NPR3: variants seen among roughly 807,000 people sequenced by gnomAD.
NPR3 encodes atrial natriuretic peptide receptor 3.
A neutral mutation model predicts 54.5 loss-of-function variants in NPR3; 34 were observed. The ratio of observed to expected loss-of-function variants is 0.62; its 90% CI spans 0.47 to 0.83. NPR3 has a LOEUF of 0.83. Ranked by LOEUF, NPR3 falls within the 40% of genes least tolerant of loss-of-function variation. NPR3 has a pLI of 0.00. For synonymous variants in NPR3, 289 were observed against 297.1 expected (o/e 0.97, Z 0.28); for missense variants, 674 against 720.8 (o/e 0.94, Z 0.74).
chr5:32,735,627 C>T (rs114788692), intron 2 of NPR3, among the ~76,000 whole-genome samples: 1 of 152,178 alleles, frequency 6.6e-6, no homozygotes, highest in Non-Finnish European at 1.5e-5. Flanking sequence ...GTGTCTCCCC[C>T]ACCCTAATCC....
intron 6 of NPR3, among the ~76,000 whole-genome samples, chr5:32,784,386 A>AC (rs1742499375): frequency 6.6e-6 from 1 of 152,108 alleles, no homozygotes; most frequent in Non-Finnish European, 1.5e-5. Flanking sequence ...ATAGGGTTTC[A>AC]CCATGTTGAC....
intron 3 of NPR3, among the ~76,000 whole-genome samples, chr5:32,754,726 A>G (rs1241336982): frequency 6.6e-6 from 1 of 152,184 alleles, no homozygotes; most frequent in East Asian, 1.9e-4. Context: ...TTTTTGTATA[A>G]TAAACAATAT....
In NPR3 at chr5:32,724,681, G is replaced by T; in HGVS notation, c.770-17G>T. 1 of 1,613,834 alleles carries T rather than the reference G, an allele frequency of 6.2e-7. No individual in the cohort carries two copies. Among genetic ancestry groups the T allele is most frequent in the Non-Finnish European group, 8.5e-7 (1 of 1,179,824 alleles). On this transcript the variant is annotated splice_polypyrimidine_tract_variant and intron_variant, in intron 1 of 7. Transcript: ENST00000265074. Reference sequence around the variant, plus strand: ...TGCAAAGGGGTGCCTCATGTGTGTTGTTTGTTCCTCCCCTAGTGGTGATCA... The same window carrying T: ...TGCAAAGGGGTGCCTCATGTGTGTTTTTTGTTCCTCCCCTAGTGGTGATCA...
intron 3 of NPR3, among the ~76,000 whole-genome samples, chr5:32,744,560 G>C (rs935764297): frequency 3.3e-5 from 5 of 152,180 alleles, no homozygotes; most frequent in African/African-American, 1.2e-4. Context: ...ATTCATCGGT[G>C]CTTACCAATG....
At chr5:32,774,225 A>G (rs188058045) in intron 3 of NPR3, among the ~76,000 whole-genome samples, 17 of 152,380 alleles carry the variant, frequency 1.1e-4, no homozygotes, top group Admixed American at 1.0e-3. Context: ...CCATAGCACC[A>G]GCACTCTAGT....
At position 32,786,359 on chromosome 5, in the gene NPR3, C is replaced by T; in HGVS notation, c.*14C>T. On this transcript the variant is annotated 3_prime_UTR_variant, in exon 8 of 8. Transcript: ENST00000265074. ...TCAGTAGCTTAAAGGAAGCCCCCCA[C>T]TTTTTTTTTTTCTGCCTGAGATTCT... The T allele has an allele frequency of 1.1e-6, 1 of 933,516 alleles. No individual in the cohort carries two copies. The highest frequency in any genetic ancestry group is 1.6e-6 in the Non-Finnish European group (1 of 615,986). 57.8% of individuals were successfully genotyped at this position (933,516 alleles called of 1,614,324 possible). A position where few individuals can be genotyped will look rare whatever the true frequency, so the allele number is the denominator to read the frequency against.
chr5:32,710,859 G>GTTTTTTTTT (rs56022335), upstream of NPR3: 4,410 of 978,798 alleles, frequency 4.5e-3, 324 homozygotes, highest in African/African-American at 0.088. Flanking sequence ...CCCAGTCCTG[G>GTTTTTTTTT]TTTTTTTTTT....
intron 3 of NPR3, among the ~76,000 whole-genome samples, chr5:32,761,573 T>C (rs1171410620): frequency 1.3e-5 from 2 of 152,014 alleles, no homozygotes; most frequent in Admixed American, 6.5e-5. Context: ...GATCACGGAC[T>C]CTTCTGCTGT....
chr5:32,743,998 T>C (rs1315980061), intron 3 of NPR3, among the ~76,000 whole-genome samples: 2 of 145,718 alleles, frequency 1.4e-5, no homozygotes, highest in African/African-American at 2.6e-5. Flanking sequence ...TTTTTTTTTT[T>C]TTTTTTTTTT....
chr5:32,771,958 T>G (rs1269555530), intron 3 of NPR3, among the ~76,000 whole-genome samples: 3 of 144,738 alleles, frequency 2.1e-5, no homozygotes, highest in Admixed American at 1.4e-4. Flanking sequence ...ACCTCAAACT[T>G]AAAAAAAAAA....
At position 32,776,753 on chromosome 5, in the gene NPR3, A is replaced by G. The variant is rs1046118269; in HGVS notation, c.1195+1910A>G. On this transcript the variant is annotated intron_variant, in intron 4 of 7. Coordinates refer to ENST00000265074, the MANE Select transcript of NPR3 (RefSeq NM_001204375.2). ...CAGTGAACTAAAGACATTTTATGCA[A>G]TCATTTGAGCTTACATGCCAGTGGG... 2.0e-5 allele frequency among the ~76,000 whole-genome samples: 3 copies of G among 152,322 alleles called. No individual in the cohort carries two copies. The South Asian group carries it at 6.2e-4, about 32-fold the overall frequency.
intron 3 of NPR3, among the ~76,000 whole-genome samples, chr5:32,772,221 C>T (rs115417767): frequency 0.015 from 2,213 of 152,328 alleles, 25 homozygotes; most frequent in Non-Finnish European, 0.023. Context: ...GAGCCAGAAT[C>T]TATCAGTTTC....
intron 3 of NPR3, among the ~76,000 whole-genome samples, chr5:32,756,152 T>A (rs1740827771): frequency 6.6e-6 from 1 of 152,232 alleles, no homozygotes. Context: ...GTATTTCTAG[T>A]TCTAGATCCT....
intron 3 of NPR3, among the ~76,000 whole-genome samples, chr5:32,755,688 G>C (rs762735784): frequency 2.3e-4 from 35 of 152,302 alleles, no homozygotes; most frequent in Non-Finnish European, 4.1e-4. Flanking sequence ...TCTTAGAAGA[G>C]TGGTTTGGAA....
At chr5:32,779,139 G>A (rs1742212952) in intron 4 of NPR3, among the ~76,000 whole-genome samples, 1 of 152,096 alleles carries the variant, frequency 6.6e-6, no homozygotes, top group African/African-American at 2.4e-5. Flanking sequence ...CCACATACAT[G>A]CCCTCTCCAA....
Position 32,786,278 on chromosome 5 carries a change from AAAGTAAC to A in NPR3, c.1560_1566del (p.Glu520AspfsTer19). 6.3e-7 allele frequency: 1 copy of A among 1,590,560 alleles called. No individual in the cohort carries two copies. The highest frequency in any genetic ancestry group is 8.6e-7 in the Non-Finnish European group (1 of 1,161,892). Reference sequence around the variant, plus strand: ...ATTGAGAGGCGAACCCAGCAAGAAGAAAGTAACCTTGGAAAACATCGGGAATTACGGG... The same window carrying A: ...ATTGAGAGGCGAACCCAGCAAGAAGACTTGGAAAACATCGGGAATTACGGG... On this transcript the variant is annotated frameshift_variant, in exon 8 of 8. Coordinates refer to ENST00000265074, the MANE Select transcript of NPR3 (RefSeq NM_001204375.2). LOFTEE classifies it high-confidence loss of function.
upstream of NPR3, among the ~76,000 whole-genome samples, chr5:32,708,506 C>G (rs552148049): frequency 6.6e-6 from 1 of 152,108 alleles, no homozygotes; most frequent in South Asian, 2.1e-4. Context: ...TAACTTTGTT[C>G]CTAACACTTT....
upstream of NPR3, chr5:32,710,619 G>A: frequency 7.0e-7 from 1 of 1,437,440 alleles, no homozygotes; most frequent in South Asian, 1.5e-5. Flanking sequence ...GAGGAAGGCG[G>A]GGTGTAGGTG....
At chr5:32,774,186 G>A (rs1741915429) in intron 3 of NPR3, among the ~76,000 whole-genome samples, 1 of 152,224 alleles carries the variant, frequency 6.6e-6, no homozygotes, top group Admixed American at 6.5e-5. Context: ...CAGACAGGCA[G>A]AAGTTGCAAC....
Sources: gnomAD v4.1 joint callset for allele counts (sites outside exome capture counted in the v4.1 genomes callset) on GRCh38, gnomAD v4.1.1 for gene constraint, MANE v1.5 for transcripts, NCBI Gene and HGNC (gene_info 2026-07-23, HGNC 2026-07-21) for gene names.